Variants in ARHGAP6 observed in about 807,000 individuals in gnomAD.
ARHGAP6 encodes the protein Rho GTPase activating protein 6, also known as rho GTPase-activating protein 6.
A neutral mutation model predicts 55.7 loss-of-function variants in ARHGAP6; 16 were observed. The ratio of observed to expected loss-of-function variants is 0.29; its 90% confidence interval spans 0.19 to 0.44. ARHGAP6 has a LOEUF of 0.44. Ranked by LOEUF, ARHGAP6 falls within the 20% of genes least tolerant of loss-of-function variation. The pLI is 1.00. For synonymous variants in ARHGAP6, 382 were observed against 360.9 expected (o/e 1.06, Z -0.66); for missense variants, 698 against 808.9 (o/e 0.86, Z 1.66).
In ARHGAP6 at chrX:11,186,543, A is replaced by T. The variant is rs756915133; in HGVS notation, c.1078-112T>A. On this transcript the variant is annotated intron_variant, in intron 4 of 12. Coordinates refer to ENST00000337414, the MANE Select transcript of ARHGAP6 (RefSeq NM_013427.3). ...CTCATGACTCTTTATCACACTTGAA[A>T]TACTACTGCTTGATTTCTTTAATTG... 41 of 468,044 alleles carry T rather than the reference A, an allele frequency of 8.8e-5. No individual in the cohort carries two copies. The South Asian group carries it at 1.9e-3, about 22-fold the overall frequency. The allele number at this position is 468,044 out of a possible 1,213,427, so 38.6% of individuals were successfully genotyped here.
intron 1 of ARHGAP6, among the ~76,000 whole-genome samples, chrX:11,607,445 C>A (rs2052048538): frequency 8.9e-6 from 1 of 111,915 alleles, no homozygotes; most frequent in Non-Finnish European, 1.9e-5. Context: ...GATTACAGCA[C>A]AATAGTTGAT....
intron 2 of ARHGAP6, among the ~76,000 whole-genome samples, chrX:11,241,127 A>T (rs1257673292): frequency 9.2e-6 from 1 of 108,831 alleles, no homozygotes; most frequent in East Asian, 2.9e-4. Flanking sequence ...TGAGGAGAAG[A>T]CATTTACTAG....
At chrX:11,286,980 A>G (rs1278928194) in intron 1 of ARHGAP6, among the ~76,000 whole-genome samples, 2 of 112,227 alleles carry the variant, frequency 1.8e-5, no homozygotes, top group Non-Finnish European at 3.8e-5. Context: ...CTAGAACTAG[A>G]CTATGGTGAT....
At chrX:11,207,739 C>T (rs1258329756) in intron 2 of ARHGAP6, among the ~76,000 whole-genome samples, 1 of 112,230 alleles carries the variant, frequency 8.9e-6, no homozygotes, top group Non-Finnish European at 1.9e-5. Context: ...GGGTAATATA[C>T]AACAATATAG....
intron 1 of ARHGAP6, among the ~76,000 whole-genome samples, chrX:11,437,923 G>A (rs1304079791): frequency 2.7e-5 from 3 of 112,217 alleles, no homozygotes; most frequent in African/African-American, 9.7e-5. Flanking sequence ...CACAGACAGA[G>A]TCCACTGTGC....
At chrX:11,495,768 T>C (rs6640742) in intron 1 of ARHGAP6, among the ~76,000 whole-genome samples, 35,242 of 111,344 alleles carry the variant, frequency 0.32, 4,068 homozygotes, top group Middle Eastern at 0.45. Flanking sequence ...ATAGACTCCA[T>C]AGCACCTTCT....
chrX:11,303,753 G>A (rs982665577), intron 1 of ARHGAP6, among the ~76,000 whole-genome samples: 1 of 111,603 alleles, frequency 9.0e-6, no homozygotes, highest in Non-Finnish European at 1.9e-5. Context: ...TTTCCAGTGT[G>A]ATGGTAGGGG....
chrX:11,262,637 A>G (rs944572723), intron 1 of ARHGAP6, among the ~76,000 whole-genome samples: 3 of 111,600 alleles, frequency 2.7e-5, no homozygotes, highest in Non-Finnish European at 3.8e-5. Context: ...CAGAATGATC[A>G]TTGTTAAACA....
chrX:11,222,441 G>T (rs2147419255), intron 2 of ARHGAP6, among the ~76,000 whole-genome samples: 1 of 111,681 alleles, frequency 9.0e-6, no homozygotes, highest in African/African-American at 3.2e-5. Context: ...TTGTATTATG[G>T]TGCAGATCTT....
chrX:11,593,772 G>GA (rs1167064267), intron 1 of ARHGAP6, among the ~76,000 whole-genome samples: 1 of 111,585 alleles, frequency 9.0e-6, no homozygotes, highest in Non-Finnish European at 1.9e-5. Flanking sequence ...CTATTTAAAG[G>GA]AAAAAAAGCA....
chrX:11,153,245 T>G (rs1009906609), intron 10 of ARHGAP6, among the ~76,000 whole-genome samples: 2 of 110,338 alleles, frequency 1.8e-5, no homozygotes, highest in African/African-American at 6.6e-5. Context: ...TTGAGAAGCA[T>G]GAGTGAGTGA....
Position 11,140,437 on chromosome X carries a change from A to T in ARHGAP6, c.2258-907T>A, listed in dbSNP as rs1265737487. Among the ~76,000 whole-genome samples, 153 of 67,507 alleles carry T rather than the reference A, an allele frequency of 2.3e-3. 1 individual carries two copies. Among genetic ancestry groups the T allele is most frequent in the Non-Finnish European group, 4.4e-3 (136 of 30,958 alleles). The allele number at this position is 67,507 out of a possible 115,157, so 58.6% of individuals were successfully genotyped here. On this transcript the variant is annotated intron_variant, in intron 12 of 12. Coordinates refer to ENST00000337414, the MANE Select transcript of ARHGAP6 (RefSeq NM_013427.3). ...CGTCACAAAAAAAAAAAAAAAAATT[A>T]AAAAAAAAAAACTAAACGAATGCCT...
chrX:11,145,725 C>T (rs1036042611), intron 10 of ARHGAP6, among the ~76,000 whole-genome samples: 1 of 112,386 alleles, frequency 8.9e-6, no homozygotes, highest in African/African-American at 3.2e-5. Flanking sequence ...GCAAAATGAA[C>T]ATGTGATGCC....
At chrX:11,509,363 C>T (rs1302924939) in intron 1 of ARHGAP6, among the ~76,000 whole-genome samples, 1 of 111,511 alleles carries the variant, frequency 9.0e-6, no homozygotes, top group African/African-American at 3.3e-5. Flanking sequence ...TGTTTGGGGC[C>T]CAATATACAG....
intron 1 of ARHGAP6, among the ~76,000 whole-genome samples, chrX:11,517,951 T>TC (rs111849967): frequency 0.097 from 10,687 of 110,419 alleles, 628 homozygotes; most frequent in African/African-American, 0.2. Flanking sequence ...AACCTGCACA[T>TC]CCGCACATGT....
chrX:11,520,365 A>T (rs1487207581), intron 1 of ARHGAP6, among the ~76,000 whole-genome samples: 1 of 102,580 alleles, frequency 9.7e-6, no homozygotes, highest in African/African-American at 3.6e-5. Context: ...CCTGTGTCCA[A>T]GTGTTCTCAT....
At chrX:11,550,321 G>GATTTATATTTTTTAT (rs2051254122) in intron 1 of ARHGAP6, among the ~76,000 whole-genome samples, 1 of 111,819 alleles carries the variant, frequency 8.9e-6, no homozygotes. Flanking sequence ...AAAAATACAG[G>GATTTATATTTTTTAT]AACCTTGGCT....
At chrX:11,298,883 G>A (rs749486136) in intron 1 of ARHGAP6, 5 of 1,208,576 alleles carry the variant, frequency 4.1e-6, no homozygotes, top group African/African-American at 1.8e-5. Context: ...CTCTGCCTCC[G>A]ATGTTCCCCA....
chrX:11,664,860 T>TC lies in ARHGAP6; in HGVS notation c.-33dup, dbSNP rs777109712. On this transcript the variant is annotated 5_prime_UTR_variant, in exon 1 of 13. Transcript: ENST00000337414. ...GGGGCTGCACCTGAGGACCACCTCC[T>TC]CCTCCCTCCCTGGACGCTGGTGGCT... 152 of 1,127,409 alleles carry TC rather than the reference T, an allele frequency of 1.3e-4. No homozygotes were observed. Among genetic ancestry groups the TC allele is most frequent in the Non-Finnish European group, 1.8e-4 (150 of 847,568 alleles). The allele number at this position is 1,127,409 out of a possible 1,213,427, so 92.9% of individuals were successfully genotyped here. A position where few individuals can be genotyped will look rare whatever the true frequency, so the allele number is the denominator to read the frequency against.
Sources: gnomAD v4.1 joint callset for allele counts (sites outside exome capture counted in the v4.1 genomes callset) on GRCh38, gnomAD v4.1.1 for gene constraint, MANE v1.5 for transcripts, NCBI Gene and HGNC (gene_info 2026-07-23, HGNC 2026-07-21) for gene names.